The following CC2D2A variants were observed in gnomAD, a reference collection of about 807,000 sequenced individuals.
CC2D2A encodes the protein coiled-coil and C2 domain-containing protein 2A.
CC2D2A carries 155 observed loss-of-function variants against 212.9 expected under a neutral mutation model. The observed-to-expected ratio is 0.73, with a 90% CI of 0.64 to 0.83. The LOEUF (loss-of-function observed/expected upper bound fraction) is 0.83, where lower values mean the gene tolerates loss of function less well. Ranked by LOEUF, CC2D2A falls within the 40% of genes least tolerant of loss-of-function variation. The probability of loss-of-function intolerance (pLI) is 0.00; values close to 1 mark genes in which losing one functional copy is unlikely to be tolerated. For synonymous variants in CC2D2A, 667 were observed against 686.5 expected, an observed-to-expected ratio of 0.97 and a Z score of 0.44; for missense variants, 1,856 against 1,956.2, an observed-to-expected ratio of 0.95 and a Z score of 0.97.
chr4:15,560,739 C>A, intron 23 of CC2D2A, 117 bp downstream of exon 23: 1 of 550,972 alleles, frequency 1.8e-6, no homozygotes, highest in African/African-American at 2.0e-5. Flanking sequence ...GCATTTGGGC[C>A]AGGAATAATG....
chr4:15,508,784 G>C (rs1345645624), intron 6 of CC2D2A, among the ~76,000 whole-genome samples: 2 of 152,114 alleles, frequency 1.3e-5, no homozygotes, highest in African/African-American at 2.4e-5. Context: ...ACTGTTGTTG[G>C]GTGACAGTTA....
At position 15,567,797 on chromosome 4, in the gene CC2D2A, T is replaced by A; in HGVS notation, c.3398+11T>A. The A allele has an allele frequency of 1.9e-6, 3 of 1,553,326 alleles. No individual in the cohort carries two copies. The highest frequency in any genetic ancestry group is 1.7e-4 in the Middle Eastern group (1 of 5,942). On this transcript the variant is annotated intron_variant, in intron 26 of 36. Coordinates refer to ENST00000424120, the MANE Select transcript of CC2D2A (RefSeq NM_001378615.1). Reference sequence around the variant, plus strand: ...AGAACTTCCATTTAGGTAAGCATATTTTCCTCTTTAAAGAACTATAGGACA... The same window carrying A: ...AGAACTTCCATTTAGGTAAGCATATATTCCTCTTTAAAGAACTATAGGACA...
At chr4:15,546,138 T>A (rs1718699560) in intron 17 of CC2D2A, among the ~76,000 whole-genome samples, 1 of 150,598 alleles carries the variant, frequency 6.6e-6, no homozygotes, top group African/African-American at 2.4e-5. Flanking sequence ...AAGAGAAGGA[T>A]GAGATTGGAC....
intron 3 of CC2D2A, chr4:15,479,213 T>C: frequency 6.5e-7 from 1 of 1,535,706 alleles, no homozygotes; most frequent in Non-Finnish European, 8.7e-7. Context: ...AAATTCTGTC[T>C]TTGAGGCAGA....
chr4:15,511,487 C>A, intron 8 of CC2D2A, 64 bp downstream of exon 8: 1 of 1,392,268 alleles, frequency 7.2e-7, no homozygotes, highest in Non-Finnish European at 9.4e-7. Context: ...GCTGATGTCC[C>A]TGCAAGAAAG....
chr4:15,532,085 C>T (rs747790961), intron 13 of CC2D2A, among the ~76,000 whole-genome samples: 39 of 152,216 alleles, frequency 2.6e-4, no homozygotes, highest in Non-Finnish European at 2.9e-4. Context: ...CCCAATCCAG[C>T]TAGTAAATAG....
In CC2D2A at chr4:15,481,263, C is replaced by T. The variant is rs138193520; in HGVS notation, c.247+436C>T. 116 of 454,188 alleles carry T rather than the reference C, an allele frequency of 2.6e-4. 1 individual carries two copies. Among genetic ancestry groups the T allele is most frequent in the African/African-American group, 2.2e-3 (112 of 50,094 alleles). 28.1% of individuals were successfully genotyped at this position (454,188 alleles called of 1,614,324 possible). On this transcript the variant is annotated intron_variant, in intron 4 of 36. Coordinates refer to ENST00000424120, the MANE Select transcript of CC2D2A (RefSeq NM_001378615.1). ...GTGACTCACGTCTGTAATCCCAGCA[C>T]TTTGGAAGGCCGAGGCGGGTAAATC...
At chr4:15,490,689 C>A (rs1715250088) in intron 4 of CC2D2A, among the ~76,000 whole-genome samples, 1 of 151,860 alleles carries the variant, frequency 6.6e-6, no homozygotes. Flanking sequence ...AGAAGACTAC[C>A]CCTCATATTG....
chr4:15,585,659 T>C (rs1328168163), intron 30 of CC2D2A, among the ~76,000 whole-genome samples: 1 of 152,172 alleles, frequency 6.6e-6, no homozygotes, highest in Admixed American at 6.5e-5. Flanking sequence ...CGCAAAGAAA[T>C]GATAAATGTT....
chr4:15,530,395 TA>T (rs1717785101), intron 13 of CC2D2A, among the ~76,000 whole-genome samples: 1 of 152,178 alleles, frequency 6.6e-6, no homozygotes, highest in Non-Finnish European at 1.5e-5. Context: ...TATTTTTAAA[TA>T]AAAATTATTT....
At chr4:15,529,729 A>G (rs1379909583) in intron 13 of CC2D2A, among the ~76,000 whole-genome samples, 1 of 150,910 alleles carries the variant, frequency 6.6e-6, no homozygotes, top group Admixed American at 6.6e-5. Context: ...ATTCTACTGT[A>G]ATTTAAATTC....
intron 11 of CC2D2A, among the ~76,000 whole-genome samples, chr4:15,517,577 G>T (rs566456138): frequency 6.6e-6 from 1 of 152,172 alleles, no homozygotes; most frequent in Non-Finnish European, 1.5e-5. Flanking sequence ...AGGCAGGCAC[G>T]ATAGCAGTGT....
In CC2D2A at chr4:15,537,050, C is replaced by T; in HGVS notation, c.1738C>T (p.Gln580Ter). The T allele has an allele frequency of 3.7e-6, 6 of 1,613,534 alleles. No homozygotes were observed. The highest frequency in any genetic ancestry group is 5.1e-6 in the Non-Finnish European group (6 of 1,179,578). The change falls in exon 15 of 37, where the codon CAG becomes TAG. Residue 580 changes from glutamine to a stop codon, truncating the protein, a stop_gained. Coordinates refer to ENST00000424120, the MANE Select transcript of CC2D2A (RefSeq NM_001378615.1). LOFTEE classifies it high-confidence loss of function. Reference sequence around the variant, plus strand: ...GGAAGAATACAGAACGTCGTTACAACAGTGGAAGGCCTGGAGGAAAGTGCA... The same window carrying T: ...GGAAGAATACAGAACGTCGTTACAATAGTGGAAGGCCTGGAGGAAAGTGCA... ...KMEEYRTSLQ[Q>*]WKAWRKVQRA...
At chr4:15,515,792 A>G in intron 9 of CC2D2A, 76 bp from the exon 10 acceptor site, 5 of 1,342,086 alleles carry the variant, frequency 3.7e-6, no homozygotes, top group Non-Finnish European at 5.0e-6. Flanking sequence ...ATCTCTGGTG[A>G]TTAATTCACC....
chr4:15,591,042 T>C (rs1721082251), intron 33 of CC2D2A, among the ~76,000 whole-genome samples: 1 of 152,000 alleles, frequency 6.6e-6, no homozygotes, highest in African/African-American at 2.4e-5. Context: ...ATTGAATGAT[T>C]GTTTTTATGT....
rs1720999186 is a variant in CC2D2A at position 15,589,579 on chromosome 4, G to C, written c.4214G>C (p.Gly1405Ala). ...PTAYVLTWEQ[G>A]RYLIWNPCSG... is the part of the protein sequence containing the mutation. ...GCCTATGTGCTAACTTGGGAGCAAG[G>C]TCGTTATTTAATATGGAATCCCTGC... Residue 1405 changes from glycine (G) to alanine (A), a missense_variant, in exon 33 of 37, where the codon GGT (glycine) becomes GCT (alanine). Gly to Ala is a moderately conservative substitution (Grantham distance 60). This residue lies in a region of CC2D2A where 285 missense variants were observed against 278.4 expected (regional missense o/e 1.02). Coordinates refer to ENST00000424120, the MANE Select transcript of CC2D2A (RefSeq NM_001378615.1). 3.1e-6 allele frequency: 5 copies of C among 1,612,400 alleles called. No homozygotes were observed. The East Asian group carries it at 1.1e-4, about 36-fold the overall frequency.
At chr4:15,513,734 C>G (rs1716701813) in intron 8 of CC2D2A, among the ~76,000 whole-genome samples, 2 of 152,194 alleles carry the variant, frequency 1.3e-5, no homozygotes, top group South Asian at 4.1e-4. Flanking sequence ...AGAGGTGGGG[C>G]AGGAGAAGGA....
At chr4:15,596,231 A>C in intron 34 of CC2D2A, 24 bp downstream of exon 34, 1 of 1,478,510 alleles carries the variant, frequency 6.8e-7, no homozygotes, top group Non-Finnish European at 9.0e-7. Context: ...ATTAACAGTT[A>C]AATGTAGACA....
chr4:15,575,404 A>G (rs1316648203), intron 29 of CC2D2A, among the ~76,000 whole-genome samples: 2 of 152,230 alleles, frequency 1.3e-5, no homozygotes, highest in African/African-American at 4.8e-5. Flanking sequence ...TGTGACAGAC[A>G]TTTCTTAGGC....
Sources: gnomAD v4.1 joint callset for allele counts (sites outside exome capture counted in the v4.1 genomes callset) on GRCh38, gnomAD v4.1.1 for gene constraint, gnomAD v4.1.1 regional missense constraint, MANE v1.5 for transcripts, NCBI Gene and HGNC (gene_info 2026-07-23, HGNC 2026-07-21) for gene names.